Variants in SARDH observed in about 807,000 individuals in gnomAD.
The protein encoded by SARDH is sarcosine dehydrogenase.
In SARDH, 95 loss-of-function variants were observed where a neutral mutation model predicts 109.1. The observed-to-expected ratio is 0.87, with a 90% CI of 0.74 to 1.03. SARDH has a LOEUF of 1.03. Among genes scored for constraint, SARDH ranks in the 50% least tolerant of loss-of-function variants. The pLI, the probability that SARDH is intolerant of heterozygous loss-of-function variation, is 0.00. For synonymous variants in SARDH, 572 were observed against 534.8 expected (o/e 1.07, Z -0.96); for missense variants, 1,267 against 1,287.8 (o/e 0.98, Z 0.25).
chr9:133,728,946 A>G lies in SARDH; in HGVS notation c.915+819T>C, dbSNP rs1832580609. On this transcript the variant is annotated intron_variant, in intron 6 of 20. Coordinates refer to ENST00000439388, the MANE Select transcript of SARDH (RefSeq NM_001134707.2). The surrounding 1 kb of genome is among the most constrained non-coding windows in gnomAD (Gnocchi z 5.0). ...TGGACAGATGAACATGTGGATAAAT[A>G]GATGAATAGATAGATGGAGAGATGG... 6.6e-6 allele frequency among the ~76,000 whole-genome samples: 1 copy of G among 151,624 alleles called. No homozygotes were observed. The highest frequency in any genetic ancestry group is 6.6e-5 in the Admixed American group (1 of 15,204).
chr9:133,737,766 C>T (rs1392870707), intron 1 of SARDH, among the ~76,000 whole-genome samples: 2 of 152,188 alleles, frequency 1.3e-5, no homozygotes, highest in African/African-American at 4.8e-5. Context: ...GCCCAGAGCC[C>T]CTCCTGCCTG....
In SARDH at chr9:133,712,577, C is replaced by T; in HGVS notation, c.1328+42G>A. ...CGCTGTTTACCCCACGCCACCTGTCCTGAGTGGCGGGCCCTGCCCTTAGGT... is the reference window on the plus strand; with the variant it reads ...CGCTGTTTACCCCACGCCACCTGTCTTGAGTGGCGGGCCCTGCCCTTAGGT... On this transcript the variant is annotated intron_variant, in intron 10 of 20. Coordinates refer to ENST00000439388, the MANE Select transcript of SARDH (RefSeq NM_001134707.2). This position sits in a 1 kb window ranked among gnomAD's most constrained non-coding sequence, Gnocchi z 4.1. 1 of 1,545,048 alleles carries T rather than the reference C, an allele frequency of 6.5e-7. No homozygotes were observed. Among genetic ancestry groups the T allele is most frequent in the Non-Finnish European group, 8.9e-7 (1 of 1,125,442 alleles).
rs1402325364 is a variant in SARDH at position 133,671,562 on chromosome 9, C to T, written c.2299G>A (p.Ala767Thr). 6.8e-6 allele frequency: 11 copies of T among 1,608,616 alleles called. No homozygotes were observed. The highest frequency in any genetic ancestry group is 2.2e-5 in the East Asian group (1 of 44,748). The change falls in exon 18 of 21, where the codon GCC becomes ACC. Residue 767 changes from alanine (A) to threonine (T), a missense_variant. Ala to Thr is a moderately conservative substitution (Grantham distance 58). Coordinates refer to ENST00000439388, the MANE Select transcript of SARDH (RefSeq NM_001134707.2). ...TTCTCAATGCTCAGGGAGTCGATGG[C>T]GCGGTACCCTGCGTTGATGAGGCCG... ...KHGLINAGYRAIDSLSIEKGY... is the reference protein window; with the variant it reads ...KHGLINAGYRTIDSLSIEKGY...
rs567087681 is a variant in SARDH at position 133,683,886 on chromosome 9, C to T, written c.2163+1307G>A. Among the ~76,000 whole-genome samples, 5 of 152,300 alleles carry T rather than the reference C, an allele frequency of 3.3e-5. No homozygotes were observed. In the East Asian group the frequency reaches 5.8e-4, roughly 18 times the overall value. ...ACAGGGAGCTGCCTCCAAACGCGGCCGTGCACCCGCCCACCCCCTCCTGAA... is the reference window on the plus strand; with the variant it reads ...ACAGGGAGCTGCCTCCAAACGCGGCTGTGCACCCGCCCACCCCCTCCTGAA... On this transcript the variant is annotated intron_variant, in intron 17 of 20. Coordinates refer to ENST00000439388, the MANE Select transcript of SARDH (RefSeq NM_001134707.2).
chr9:133,666,906 A>C lies in SARDH; in HGVS notation c.2496-36T>G. The C allele has an allele frequency of 6.2e-7, 1 of 1,610,744 alleles. No homozygotes were observed. The highest frequency in any genetic ancestry group is 2.2e-5 in the East Asian group (1 of 44,820). On this transcript the variant is annotated intron_variant, in intron 19 of 20. Coordinates refer to ENST00000439388, the MANE Select transcript of SARDH (RefSeq NM_001134707.2). This position sits in a 1 kb window ranked among gnomAD's most constrained non-coding sequence, Gnocchi z 5.2. ...CAGTAGAGAAAGCTGGGGCCCCAGA[A>C]ACCGCAGGGTGGGGACGCGTCCACA...
chr9:133,702,107 T>C (rs903884473), intron 13 of SARDH, among the ~76,000 whole-genome samples: 2 of 152,200 alleles, frequency 1.3e-5, no homozygotes, highest in Admixed American at 1.3e-4. Flanking sequence ...CTATGTCAGA[T>C]TCGCAGTGAG....
intron 4 of SARDH, among the ~76,000 whole-genome samples, chr9:133,730,475 AAAAAAAGC>A (rs1474204013): frequency 1.5e-3 from 216 of 141,110 alleles, no homozygotes; most frequent in Admixed American, 2.4e-3. Context: ...TTTTTTAAAA[AAAAAAAGC>A]AAGATATTTG....
At chr9:133,684,202 G>A (rs1199296734) in intron 17 of SARDH, among the ~76,000 whole-genome samples, 2 of 152,234 alleles carry the variant, frequency 1.3e-5, no homozygotes, top group Non-Finnish European at 2.9e-5. Flanking sequence ...ACTTGTGGCT[G>A]TCACGACGGT....
upstream of SARDH, chr9:133,738,433 CGGCTTCTAGGCCAGCTTAGTTGG>C (rs1832956993): frequency 6.6e-6 from 1 of 152,114 alleles, no homozygotes; most frequent in Admixed American, 6.5e-5. Flanking sequence ...CCCACCACTG[CGGCTTCTAGGCCAGCTTAGTTGG>C]GGCTTCTAGG....
At position 133,671,528 on chromosome 9, in the gene SARDH, C is replaced by T. The variant is rs754229428; in HGVS notation, c.2326+7G>A. 1.9e-6 allele frequency: 3 copies of T among 1,603,536 alleles called. No homozygotes were observed. Among genetic ancestry groups the T allele is most frequent in the African/African-American group, 2.7e-5 (2 of 74,750 alleles). ...CCCGCCCCGTGCTGTCCAGACCCTG[C>T]ACTCACCTTTCTCAATGCTCAGGGA... On this transcript the variant is annotated splice_region_variant and intron_variant, in intron 18 of 20. Coordinates refer to ENST00000439388, the MANE Select transcript of SARDH (RefSeq NM_001134707.2).
chr9:133,670,683 C>T lies in SARDH; in HGVS notation c.2396G>A (p.Cys799Tyr). 6.2e-7 allele frequency: 1 copy of T among 1,607,662 alleles called. No individual in the cohort carries two copies. The highest frequency in any genetic ancestry group is 2.2e-5 in the East Asian group (1 of 44,760). The stretch of plus-strand genomic sequence containing the variant: ...GAAGGGCACCGGCGACTTGAGCTTG[C>T]AGGTGAAGGCCAGGCCTGCCTCCAG... ...SPLEAGLAFTCKLKSPVPFLG... is the reference protein window; with the variant it reads ...SPLEAGLAFTYKLKSPVPFLG... The change falls in exon 19 of 21, where the codon TGC (cysteine) becomes TAC (tyrosine). Residue 799 changes from cysteine (C) to tyrosine (Y), a missense_variant. Coordinates refer to ENST00000439388, the MANE Select transcript of SARDH (RefSeq NM_001134707.2).
chr9:133,715,263 A>T (rs1177005039), intron 8 of SARDH, among the ~76,000 whole-genome samples: 2 of 152,198 alleles, frequency 1.3e-5, no homozygotes, highest in Non-Finnish European at 2.9e-5. Flanking sequence ...TTGCCTGCAC[A>T]TCTTCCCCAA....
At chr9:133,675,884 AG>A (rs1403821943) in intron 17 of SARDH, among the ~76,000 whole-genome samples, 3 of 152,100 alleles carry the variant, frequency 2.0e-5, no homozygotes, top group African/African-American at 7.2e-5. Context: ...TGAGCCCAGG[AG>A]TCTGAGACCA....
At chr9:133,688,545 C>G (rs755336244) in intron 16 of SARDH, among the ~76,000 whole-genome samples, 30 of 152,282 alleles carry the variant, frequency 2.0e-4, no homozygotes, top group Non-Finnish European at 3.4e-4. Flanking sequence ...AGAGACCCCC[C>G]CACCAAAGCC....
At chr9:133,683,493 T>C (rs1830771968) in intron 17 of SARDH, among the ~76,000 whole-genome samples, 1 of 152,224 alleles carries the variant, frequency 6.6e-6, no homozygotes, top group South Asian at 2.1e-4. Flanking sequence ...CTGCTGGAGC[T>C]GGAGTCGGGC....
intron 14 of SARDH, among the ~76,000 whole-genome samples, chr9:133,695,420 GC>G (rs1831249222): frequency 1.3e-5 from 2 of 152,206 alleles, no homozygotes; most frequent in Non-Finnish European, 2.9e-5. Flanking sequence ...TCCAGCCTGA[GC>G]GACAGAGCGA....
At chr9:133,675,361 A>G (rs1050152805) in intron 17 of SARDH, among the ~76,000 whole-genome samples, 1 of 151,772 alleles carries the variant, frequency 6.6e-6, no homozygotes, top group Non-Finnish European at 1.5e-5. Context: ...AAAAAAAAAA[A>G]AATAGGCAAG....
chr9:133,675,631 T>C (rs1261910008), intron 17 of SARDH, among the ~76,000 whole-genome samples: 1 of 152,210 alleles, frequency 6.6e-6, no homozygotes, highest in African/African-American at 2.4e-5. Context: ...GGGTGGCAGT[T>C]CTTTAAAACT....
intron 4 of SARDH, among the ~76,000 whole-genome samples, chr9:133,730,432 C>A (rs1275381631): frequency 1.3e-5 from 2 of 150,474 alleles, no homozygotes; most frequent in East Asian, 2.0e-4. Context: ...TGGGGGGAAC[C>A]CTCTTTTCAT....
Sources: allele counts gnomAD v4.1 joint callset (sites outside exome capture counted in the v4.1 genomes callset), GRCh38; gene constraint gnomAD v4.1.1; non-coding constraint Gnocchi (gnomAD v3.1); transcripts MANE v1.5; gene names NCBI Gene and HGNC (gene_info 2026-07-23, HGNC 2026-07-21).